Variants in SRL observed in about 807,000 individuals in gnomAD.
SRL encodes sarcalumenin.
SRL carries 23 observed loss-of-function variants against 39.5 expected under a neutral mutation model. That is an observed-to-expected ratio of 0.58 (90% CI 0.42 to 0.82). SRL has a LOEUF of 0.82. SRL is among the 40% of genes least tolerant of loss of function. The probability of loss-of-function intolerance (pLI) is 0.00; values close to 1 mark genes in which losing one functional copy is unlikely to be tolerated. For synonymous variants in SRL, 272 were observed against 237.4 expected (o/e 1.15, Z -1.34); for missense variants, 592 against 607.8 (o/e 0.97, Z 0.27).
rs1291618817 is a variant in SRL at position 4,190,896 on chromosome 16, A to C, written c.*1257T>G. 1 of 158,582 alleles carries C rather than the reference A, an allele frequency of 6.3e-6. No homozygotes were observed. Among genetic ancestry groups the C allele is most frequent in the Admixed American group, 6.5e-5 (1 of 15,406 alleles). 9.8% of individuals were successfully genotyped at this position (158,582 alleles called of 1,614,324 possible). A position where few individuals can be genotyped will look rare whatever the true frequency, so the allele number is the denominator to read the frequency against. ...CTGCAAAGGAGCAACTCCGCTGCCA[A>C]GTGTTTCCACAGGGGAGTTGTGGAA... is the stretch of plus-strand genomic sequence containing the variant. On this transcript the variant is annotated 3_prime_UTR_variant, in exon 6 of 6. Transcript: ENST00000399609.
At position 4,192,897 on chromosome 16, in the gene SRL, G is replaced by A. The variant is rs1388614506; in HGVS notation, c.678C>T (p.Asp226=). The A allele has an allele frequency of 9.9e-6, 16 of 1,614,148 alleles. No homozygotes were observed. Among genetic ancestry groups the A allele is most frequent in the Admixed American group, 1.7e-5 (1 of 60,014 alleles). ...DRADLIFVVF[D]PTKLDVGLEL... Reference sequence around the variant, plus strand: ...CTAGACCCACATCCAGCTTTGTTGGGTCAAAGACGACAAAGATGAGGTCAG... The same window carrying A: ...CTAGACCCACATCCAGCTTTGTTGGATCAAAGACGACAAAGATGAGGTCAG... Residue 226 remains aspartate (D), a synonymous_variant, in exon 6 of 6, where the codon GAC becomes GAT. Transcript: ENST00000399609. The surrounding 1 kb of genome is among the most constrained non-coding windows in gnomAD (Gnocchi z 4.0).
intron 1 of SRL, among the ~76,000 whole-genome samples, chr16:4,224,905 C>T (rs2052570231): frequency 6.6e-6 from 1 of 152,162 alleles, no homozygotes; most frequent in Non-Finnish European, 1.5e-5. Flanking sequence ...CAATATTTCC[C>T]AGCCATGGAA....
chr16:4,234,935 C>A (rs746156936), intron 1 of SRL, among the ~76,000 whole-genome samples: 1 of 152,206 alleles, frequency 6.6e-6, no homozygotes, highest in African/African-American at 2.4e-5. Context: ...TTAGAGATAT[C>A]TTCCTTGAGC....
At chr16:4,222,579 G>T (rs903008524) in intron 1 of SRL, among the ~76,000 whole-genome samples, 10 of 151,932 alleles carry the variant, frequency 6.6e-5, no homozygotes, top group Non-Finnish European at 1.5e-4. Context: ...CGGCTTTTTT[G>T]TTTTTTTCTT....
intron 1 of SRL, among the ~76,000 whole-genome samples, chr16:4,238,134 C>T (rs1272649330): frequency 2.6e-5 from 4 of 152,132 alleles, no homozygotes; most frequent in South Asian, 4.1e-4. Flanking sequence ...CACATACGAG[C>T]GATGTTTACA....
Position 4,197,800 on chromosome 16 carries a change from T to C in SRL, c.375A>G (p.Thr125=). ...GLENTRYQLY[T]GAEPTTSEFT... ...CAATCACACAAGAATATTGATTACCTGTATAGAGCTGATAGCGAGTATTTT... is the reference window on the plus strand; with the variant it reads ...CAATCACACAAGAATATTGATTACCCGTATAGAGCTGATAGCGAGTATTTT... The change falls in exon 4 of 6, where the codon ACA becomes ACG. Residue 125 remains threonine, a splice_region_variant and synonymous_variant. Coordinates refer to ENST00000399609, the MANE Select transcript of SRL (RefSeq NM_001098814.2). 6.3e-7 allele frequency: 1 copy of C among 1,576,132 alleles called. No individual in the cohort carries two copies. Among genetic ancestry groups the C allele is most frequent in the African/African-American group, 1.3e-5 (1 of 74,302 alleles).
intron 1 of SRL, among the ~76,000 whole-genome samples, chr16:4,217,398 C>T (rs1220372005): frequency 2.6e-5 from 4 of 152,166 alleles, no homozygotes; most frequent in South Asian, 2.1e-4. Flanking sequence ...ACTACAGGCA[C>T]GCGCCACCAT....
chr16:4,230,100 C>T (rs1033681472), intron 1 of SRL, among the ~76,000 whole-genome samples: 1 of 152,058 alleles, frequency 6.6e-6, no homozygotes, highest in Non-Finnish European at 1.5e-5. Context: ...CAATTCTCCC[C>T]ACCCGGGCAG....
In SRL at chr16:4,190,132, T is replaced by G; in HGVS notation, c.*2021A>C. 1 of 397,530 alleles carries G rather than the reference T, an allele frequency of 2.5e-6. No homozygotes were observed. Among genetic ancestry groups the G allele is most frequent in the Non-Finnish European group, 4.4e-6 (1 of 225,946 alleles). 24.6% of individuals were successfully genotyped at this position (397,530 alleles called of 1,614,324 possible). Reference sequence around the variant, plus strand: ...TGCCCTGGAACCTCGGGTGTTCTTGTGGAAGGGTCCAGGCCCTCCACAAAG... The same window carrying G: ...TGCCCTGGAACCTCGGGTGTTCTTGGGGAAGGGTCCAGGCCCTCCACAAAG... On this transcript the variant is annotated 3_prime_UTR_variant, in exon 6 of 6. Transcript: ENST00000399609.
chr16:4,197,975 G>T, intron 3 of SRL, 60 bp from the exon 4 acceptor site: 4 of 1,104,802 alleles, frequency 3.6e-6, no homozygotes, highest in Non-Finnish European at 5.6e-6. Flanking sequence ...CAAGGGGTAT[G>T]GCACCGTACT....
intron 5 of SRL, among the ~76,000 whole-genome samples, chr16:4,193,311 G>T (rs1465123780): frequency 7.2e-5 from 11 of 152,116 alleles, no homozygotes; most frequent in Admixed American, 6.6e-4. Context: ...GGGGTAATAG[G>T]CGTGAGCCAC....
chr16:4,203,105 C>T, intron 3 of SRL, 61 bp downstream of exon 3: 1 of 1,487,586 alleles, frequency 6.7e-7, no homozygotes, highest in Non-Finnish European at 9.4e-7. Flanking sequence ...CAGTGTGGCC[C>T]CGCCGACAGG....
intron 5 of SRL, among the ~76,000 whole-genome samples, chr16:4,195,269 T>C (rs368701729): frequency 3.7e-4 from 56 of 152,252 alleles, no homozygotes; most frequent in African/African-American, 1.3e-3. Flanking sequence ...CGATTACGGC[T>C]CATTGCAGCC....
Position 4,192,450 on chromosome 16 carries a change from G to A in SRL, c.1125C>T (p.Pro375=), listed in dbSNP as rs368385488. ...ELVFKDIVED[P]DKFYIFKTIL... is the part of the protein sequence containing the mutation. Reference sequence around the variant, plus strand: ...TGGTCTTGAAGATGTAGAATTTATCGGGATCTTCCACAATGTCCTTAAAGA... The same window carrying A: ...TGGTCTTGAAGATGTAGAATTTATCAGGATCTTCCACAATGTCCTTAAAGA... The change falls in exon 6 of 6, where the codon CCC becomes CCT. Residue 375 remains proline (P), a synonymous_variant. Transcript: ENST00000399609. The surrounding 1 kb of genome is among the most constrained non-coding windows in gnomAD (Gnocchi z 4.0). 4.8e-4 allele frequency: 774 copies of A among 1,614,124 alleles called. 9 individuals carry two copies. The South Asian group carries it at 7.8e-3, about 16-fold the overall frequency.
At chr16:4,224,410 A>G (rs1218330196) in intron 1 of SRL, among the ~76,000 whole-genome samples, 2 of 152,244 alleles carry the variant, frequency 1.3e-5, no homozygotes, top group East Asian at 1.9e-4. Context: ...ATTTCTAATT[A>G]TAAGATAAAG....
At chr16:4,230,123 C>T (rs2052642880) in intron 1 of SRL, among the ~76,000 whole-genome samples, 1 of 152,110 alleles carries the variant, frequency 6.6e-6, no homozygotes, top group African/African-American at 2.4e-5. Flanking sequence ...ACCCTCCTAC[C>T]TACCACCACT....
At chr16:4,232,259 T>A (rs2052667421) in intron 1 of SRL, among the ~76,000 whole-genome samples, 1 of 152,218 alleles carries the variant, frequency 6.6e-6, no homozygotes, top group African/African-American at 2.4e-5. Context: ...ACTTCTCCAG[T>A]TCTTTTCCAG....
chr16:4,240,219 C>T (rs191415905), intron 1 of SRL, among the ~76,000 whole-genome samples: 4 of 152,012 alleles, frequency 2.6e-5, no homozygotes, highest in Non-Finnish European at 5.9e-5. Context: ...TAGCACACAG[C>T]GGAGAGATGA....
chr16:4,211,314 G>C (rs899872981), intron 1 of SRL, among the ~76,000 whole-genome samples: 10 of 129,206 alleles, frequency 7.7e-5, no homozygotes, highest in South Asian at 5.1e-4. Flanking sequence ...TCCCACGTTG[G>C]GGGGGGTCTC....
Sources: allele counts gnomAD v4.1 joint callset (sites outside exome capture counted in the v4.1 genomes callset), GRCh38; gene constraint gnomAD v4.1.1; non-coding constraint Gnocchi (gnomAD v3.1); transcripts MANE v1.5; gene names NCBI Gene and HGNC (gene_info 2026-07-23, HGNC 2026-07-21).